Variants in MDC1 observed in about 807,000 individuals in gnomAD.
MDC1 encodes mediator of DNA damage checkpoint 1.
A neutral mutation model predicts 142.5 loss-of-function variants in MDC1; 81 were observed. That is an observed-to-expected ratio of 0.57 (90% CI 0.47 to 0.68). MDC1 has a LOEUF of 0.68. Among genes scored for constraint, MDC1 ranks in the 30% least tolerant of loss-of-function variants. The pLI is 0.00. For synonymous variants in MDC1, 797 were observed against 968.4 expected (o/e 0.82, Z 3.29); for missense variants, 2,119 against 2,547.9 (o/e 0.83, Z 3.62).
At position 30,705,280 on chromosome 6, in the gene MDC1, G is replaced by A. The variant is rs764463045; in HGVS notation, c.3903C>T (p.Val1301=). 3 of 1,603,484 alleles carry A rather than the reference G, an allele frequency of 1.9e-6. No homozygotes were observed. The highest frequency in any genetic ancestry group is 2.6e-6 in the Non-Finnish European group (3 of 1,175,654). ...LRPSTSTDRP[V]TPKPTSRTTR... ...TGGTCCGAGATGTGGGCTTGGGGGT[G>A]ACAGGTCGGTCTGTGGAGGTGGAAG... is the stretch of plus-strand genomic sequence containing the variant. The change falls in exon 10 of 15, where the codon GTC becomes GTT. Residue 1301 remains valine, a synonymous_variant. Coordinates refer to ENST00000376406, the MANE Select transcript of MDC1 (RefSeq NM_014641.3).
At chr6:30,710,725 C>G (rs1026305017) in intron 7 of MDC1, among the ~76,000 whole-genome samples, 1 of 152,172 alleles carries the variant, frequency 6.6e-6, no homozygotes, top group Non-Finnish European at 1.5e-5. Flanking sequence ...ATCCATTCAT[C>G]TGTTGATGGA....
At chr6:30,707,510 G>T (rs1774082546) in intron 8 of MDC1, 56 bp from the exon 9 acceptor site, 18 of 1,612,980 alleles carry the variant, frequency 1.1e-5, no homozygotes, top group Non-Finnish European at 1.5e-5. Context: ...GTTGCCCAGG[G>T]GTTGATTATC....
Position 30,715,071 on chromosome 6 carries a change from A to G in MDC1, c.105T>C (p.His35=). The G allele has an allele frequency of 6.2e-7, 1 of 1,614,216 alleles. No homozygotes were observed. The highest frequency in any genetic ancestry group is 8.5e-7 in the Non-Finnish European group (1 of 1,180,040). Residue 35 remains histidine, a synonymous_variant, in exon 2 of 15, where the codon CAT becomes CAC. Coordinates refer to ENST00000376406, the MANE Select transcript of MDC1 (RefSeq NM_014641.3). The surrounding 1 kb of genome is among the most constrained non-coding windows in gnomAD (Gnocchi z 4.1). Reference sequence around the variant, plus strand: ...CTGGTCCATGGGCACCACTAAAGATATGTAGCCGCCCTACTGGCTCCACGT... The same window carrying G: ...CTGGTCCATGGGCACCACTAAAGATGTGTAGCCGCCCTACTGGCTCCACGT... ...RCNVEPVGRL[H]IFSGAHGPEK...
chr6:30,712,639 T>C lies in MDC1; in HGVS notation c.1303A>G (p.Met435Val), dbSNP rs778148340. 62 of 1,612,834 alleles carry C rather than the reference T, an allele frequency of 3.8e-5. No individual in the cohort carries two copies. The highest frequency in any genetic ancestry group is 5.0e-5 in the Non-Finnish European group (59 of 1,179,946). The change falls in exon 5 of 15, where the codon ATG (methionine) becomes GTG (valine). Residue 435 changes from methionine to valine, a missense_variant. Coordinates refer to ENST00000376406, the MANE Select transcript of MDC1 (RefSeq NM_014641.3). The surrounding 1 kb of genome is among the most constrained non-coding windows in gnomAD (Gnocchi z 4.7). Reference sequence around the variant, plus strand: ...TGCAGAAGGACCACACGTTGGGGCATGTCCTCTTCTGCATCTCTGTTCCAT... The same window carrying C: ...TGCAGAAGGACCACACGTTGGGGCACGTCCTCTTCTGCATCTCTGTTCCAT... ...AIWNRDAEED[M>V]PQRVVLLQRS...
rs568383061 is a variant in MDC1 at position 30,705,388 on chromosome 6, T to G, written c.3795A>C (p.Thr1265=). 4.8e-5 allele frequency: 77 copies of G among 1,590,010 alleles called. 1 individual carries two copies. In the African/African-American group the frequency reaches 9.6e-4, roughly 20 times the overall value. ...TTTTTCTTCCCCTAGTAGCCTGATA[T>G]GTGGGCTCAGAAGTGACAGGCTGGT... ...STDQPVTSEP[T]YQATRGRKNR... is the part of the protein sequence containing the mutation. Residue 1265 remains threonine, a synonymous_variant, in exon 10 of 15, where the codon ACA becomes ACC. Transcript: ENST00000376406.
chr6:30,715,005 C>G lies in MDC1; in HGVS notation c.136+35G>C. On this transcript the variant is annotated intron_variant, in intron 2 of 14. Coordinates refer to ENST00000376406, the MANE Select transcript of MDC1 (RefSeq NM_014641.3). The surrounding 1 kb of genome is among the most constrained non-coding windows in gnomAD (Gnocchi z 4.1). ...ATACCTTACCACAAAAATAAAAGAT[C>G]TATATCAATACTTGAACATCCAATA... is the stretch of plus-strand genomic sequence containing the variant. 1.9e-6 allele frequency: 3 copies of G among 1,609,346 alleles called. No individual in the cohort carries two copies. Among genetic ancestry groups the G allele is most frequent in the South Asian group, 1.1e-5 (1 of 90,956 alleles).
chr6:30,714,198 G>A lies in MDC1; in HGVS notation c.137-15C>T. On this transcript the variant is annotated splice_polypyrimidine_tract_variant and intron_variant, in intron 2 of 14. Coordinates refer to ENST00000376406, the MANE Select transcript of MDC1 (RefSeq NM_014641.3). ...TAGTGGGAAATCTAAGAATTAGAGAGGTAGATAAGCTCCAAGATCAGAGTC... is the reference window on the plus strand; with the variant it reads ...TAGTGGGAAATCTAAGAATTAGAGAAGTAGATAAGCTCCAAGATCAGAGTC... The A allele has an allele frequency of 6.3e-7, 1 of 1,595,350 alleles. No homozygotes were observed. Among genetic ancestry groups the A allele is most frequent in the Non-Finnish European group, 8.5e-7 (1 of 1,175,140 alleles).
Position 30,707,772 on chromosome 6 carries a change from T to C in MDC1, c.2807A>G (p.Lys936Arg). The C allele has an allele frequency of 2.5e-6, 4 of 1,613,124 alleles. No homozygotes were observed. Among genetic ancestry groups the C allele is most frequent in the Non-Finnish European group, 3.4e-6 (4 of 1,180,036 alleles). Residue 936 changes from lysine to arginine, a missense_variant, in exon 8 of 15, where the codon AAG becomes AGG. Physicochemically the swap from Lys to Arg is conservative, Grantham distance 26. Transcript: ENST00000376406. ...TCTCTCCAGGATCACTTTGGGCACC[T>C]TCTCTTCTAACTCGGCTGGATCGCA... is the stretch of plus-strand genomic sequence containing the variant. ...RECDPAELEE[K>R]VPKVILERDT...
intron 7 of MDC1, among the ~76,000 whole-genome samples, chr6:30,708,855 CAAAA>C (rs59939040): frequency 8.9e-4 from 49 of 55,230 alleles, no homozygotes; most frequent in African/African-American, 2.6e-3. Flanking sequence ...GACTCTGTCT[CAAAA>C]AAAAAAAAAA....
chr6:30,706,542 A>AAC (rs1444536332), intron 9 of MDC1, among the ~76,000 whole-genome samples: 2 of 149,678 alleles, frequency 1.3e-5, no homozygotes, highest in African/African-American at 4.9e-5. Context: ...GAATGGCGTG[A>AAC]ACTCGGGAGG....
intron 14 of MDC1, among the ~76,000 whole-genome samples, chr6:30,702,246 G>A: frequency 1.9e-5 from 2 of 102,596 alleles, no homozygotes; most frequent in Admixed American, 1.5e-4. Context: ...CTGAGAGTGA[G>A]ACTCCATCTC....
chr6:30,702,297 A>G (rs1772877188), intron 14 of MDC1, among the ~76,000 whole-genome samples: 1 of 151,888 alleles, frequency 6.6e-6, no homozygotes, highest in African/African-American at 2.4e-5. Flanking sequence ...TCAAAGGAAA[A>G]AAGGGATAGA....
chr6:30,703,406 T>TC lies in MDC1; in HGVS notation c.5682+11_5682+12insG. The TC allele has an allele frequency of 6.2e-7, 1 of 1,613,702 alleles. No homozygotes were observed. Among genetic ancestry groups the TC allele is most frequent in the Non-Finnish European group, 8.5e-7 (1 of 1,180,032 alleles). Reference sequence around the variant, plus strand: ...TCTGTCTCCCACAAAGTCCCATGCCTTTGTCTCTTACTTTGGGGGCTGTTG... The same window carrying TC: ...TCTGTCTCCCACAAAGTCCCATGCCTCTTGTCTCTTACTTTGGGGGCTGTTG... On this transcript the variant is annotated intron_variant, in intron 11 of 14. Coordinates refer to ENST00000376406, the MANE Select transcript of MDC1 (RefSeq NM_014641.3). The surrounding 1 kb of genome is among the most constrained non-coding windows in gnomAD (Gnocchi z 4.4).
In MDC1 at chr6:30,707,572, G is replaced by T. The variant is rs1381935636; in HGVS notation, c.3007C>A (p.Gln1003Lys). 6.2e-7 allele frequency: 1 copy of T among 1,611,942 alleles called. No individual in the cohort carries two copies. The highest frequency in any genetic ancestry group is 8.5e-7 in the Non-Finnish European group (1 of 1,179,252). ...CCCCTCTGCCTTCACTTACCTTTCTGATGCCTCCTGGGGCTCACTGGGGAT... is the reference window on the plus strand; with the variant it reads ...CCCCTCTGCCTTCACTTACCTTTCTTATGCCTCCTGGGGCTCACTGGGGAT... ...RGSPVSPRRH[Q>K]KGLLNCKMPP... Residue 1003 changes from glutamine to lysine, a missense_variant, in exon 8 of 15, where the codon CAG becomes AAG. Physicochemically the swap from Gln to Lys is moderately conservative, Grantham distance 53. Transcript: ENST00000376406.
At chr6:30,717,054 G>C (rs1775750192) in intron 1 of MDC1, 191 bp downstream of exon 1, 1 of 230,564 alleles carries the variant, frequency 4.3e-6, no homozygotes, top group East Asian at 1.8e-4. Flanking sequence ...GGGTTCCCTT[G>C]TGGCCCGACG....
At position 30,712,718 on chromosome 6, in the gene MDC1, TTCC is replaced by T; in HGVS notation, c.1221_1223del (p.Glu409del). The stretch of plus-strand genomic sequence containing the variant: ...CCAAAGTCAGCGCTGCTGAGACTTC[TTCC>T]TCGTCATCTGTATCGCTGTTGATAA... On this transcript the variant is annotated inframe_deletion, in exon 5 of 15. Coordinates refer to ENST00000376406, the MANE Select transcript of MDC1 (RefSeq NM_014641.3). This position sits in a 1 kb window ranked among gnomAD's most constrained non-coding sequence, Gnocchi z 4.7. The T allele has an allele frequency of 6.2e-7, 1 of 1,613,092 alleles. No individual in the cohort carries two copies. The highest frequency in any genetic ancestry group is 8.5e-7 in the Non-Finnish European group (1 of 1,180,040).
Position 30,704,516 on chromosome 6 carries a change from G to C in MDC1, c.4667C>G (p.Thr1556Ser). 6.2e-7 allele frequency: 1 copy of C among 1,612,386 alleles called. No individual in the cohort carries two copies. The highest frequency in any genetic ancestry group is 8.5e-7 in the Non-Finnish European group (1 of 1,179,254). Reference sequence around the variant, plus strand: ...AGAGGACCTATTTGTCCTGCCCCTAGTGGCCCGAGATGTGGGCTCAGGGGT... The same window carrying C: ...AGAGGACCTATTTGTCCTGCCCCTACTGGCCCGAGATGTGGGCTCAGGGGT... ...PVTPEPTSRATRGRTNRSSVK... is the reference protein window; with the variant it reads ...PVTPEPTSRASRGRTNRSSVK... The change falls in exon 10 of 15, where the codon ACT becomes AGT. Residue 1556 changes from threonine (T) to serine (S), a missense_variant. By Grantham distance (58) the Thr-to-Ser change is moderately conservative. Coordinates refer to ENST00000376406, the MANE Select transcript of MDC1 (RefSeq NM_014641.3).
Position 30,711,861 on chromosome 6 carries a change from G to T in MDC1, c.2068+13C>A. 6.5e-7 allele frequency: 1 copy of T among 1,536,942 alleles called. No homozygotes were observed. Among genetic ancestry groups the T allele is most frequent in the Non-Finnish European group, 8.8e-7 (1 of 1,142,142 alleles). Reference sequence around the variant, plus strand: ...TTGATTTCAGAGGTCTAGGAAGGAAGGCCAGCACTTACCACCATAGTTGTC... The same window carrying T: ...TTGATTTCAGAGGTCTAGGAAGGAATGCCAGCACTTACCACCATAGTTGTC... On this transcript the variant is annotated intron_variant, in intron 5 of 14. Transcript: ENST00000376406.
At position 30,712,852 on chromosome 6, in the gene MDC1, G is replaced by A. The variant is rs1181314801; in HGVS notation, c.1090C>T (p.Pro364Ser). 5.6e-6 allele frequency: 9 copies of A among 1,612,900 alleles called. No individual in the cohort carries two copies. Among genetic ancestry groups the A allele is most frequent in the Non-Finnish European group, 7.6e-6 (9 of 1,180,030 alleles). ...CTCTCCTGCAGATGGGCCAGGCCTGGTGCTCCAGGACCCCTTGTACCTACT... is the reference window on the plus strand; with the variant it reads ...CTCTCCTGCAGATGGGCCAGGCCTGATGCTCCAGGACCCCTTGTACCTACT... ...HGVGTRGPGA[P>S]GLAHLQESQA... Residue 364 changes from proline (P) to serine (S), a missense_variant, in exon 5 of 15, where the codon CCA becomes TCA. By Grantham distance (74) the Pro-to-Ser change is moderately conservative. Coordinates refer to ENST00000376406, the MANE Select transcript of MDC1 (RefSeq NM_014641.3). This position sits in a 1 kb window ranked among gnomAD's most constrained non-coding sequence, Gnocchi z 4.7.
Sources: allele counts gnomAD v4.1 joint callset (sites outside exome capture counted in the v4.1 genomes callset), GRCh38; gene constraint gnomAD v4.1.1; non-coding constraint Gnocchi (gnomAD v3.1); transcripts MANE v1.5; gene names NCBI Gene and HGNC (gene_info 2026-07-23, HGNC 2026-07-21).